FTCDNL1: variants seen among roughly 807,000 people sequenced by gnomAD.
The protein encoded by FTCDNL1 is formiminotransferase N-terminal subdomain-containing protein.
FTCDNL1 carries 11 observed loss-of-function variants against 5.9 expected under a neutral mutation model. The ratio of observed to expected loss-of-function variants is 1.87; its 90% confidence interval spans 1.18 to 3.10. The LOEUF (loss-of-function observed/expected upper bound fraction) is 3.10. Ranked by LOEUF, FTCDNL1 falls within the 30% of genes most tolerant of loss-of-function variation. The pLI is 0.00. For missense variants in FTCDNL1, 115 were observed against 65.5 expected, an observed-to-expected ratio of 1.76 and a Z score of -2.61; for synonymous variants, 58 against 24.8, an observed-to-expected ratio of 2.34 and a Z score of -3.99.
chr2:199,798,097 T>C (rs116089670), intron 3 of FTCDNL1, among the ~76,000 whole-genome samples: 309 of 152,348 alleles, frequency 2.0e-3, no homozygotes, highest in African/African-American at 7.0e-3. Flanking sequence ...AGCCAGACTT[T>C]CTGTTCCCTA....
At chr2:199,745,822 T>A in the FTCDNL1 span, among the ~76,000 whole-genome samples, 1 of 150,984 alleles carries the variant, frequency 6.6e-6, no homozygotes, top group East Asian at 2.0e-4. Flanking sequence ...GGGTAGGAGT[T>A]ACAAGCATGA....
chr2:199,685,465 GCA>G, the FTCDNL1 span, among the ~76,000 whole-genome samples: 1 of 152,178 alleles, frequency 6.6e-6, no homozygotes, highest in African/African-American at 2.4e-5. Context: ...TCATTTAACT[GCA>G]CAGTTTTGTT....
chr2:199,683,679 C>A, the FTCDNL1 span, among the ~76,000 whole-genome samples: 1 of 151,840 alleles, frequency 6.6e-6, no homozygotes, highest in South Asian at 2.1e-4. Context: ...ACAGTATTTT[C>A]TTTTGATCCT....
Position 199,809,277 on chromosome 2 carries a change from G to C in FTCDNL1, c.*3428C>G, listed in dbSNP as rs1455424635. On this transcript the variant is annotated 3_prime_UTR_variant, in exon 5 of 5. Transcript: ENST00000420128. ...TTTTTTAACTTTTTTTTTTCTAATAGAGATAGTCTCACTACATTGACCAAG... is the reference window on the plus strand; with the variant it reads ...TTTTTTAACTTTTTTTTTTCTAATACAGATAGTCTCACTACATTGACCAAG... Among the ~76,000 whole-genome samples the C allele has an allele frequency of 6.9e-6, 1 of 145,360 alleles. No individual in the cohort carries two copies. The highest frequency in any genetic ancestry group is 2.6e-5 in the African/African-American group (1 of 39,020).
chr2:199,688,605 G>A, the FTCDNL1 span, among the ~76,000 whole-genome samples: 3 of 152,186 alleles, frequency 2.0e-5, no homozygotes, highest in South Asian at 4.1e-4. Context: ...AGGCAGTGGA[G>A]ACAGGCCTGG....
At chr2:199,745,468 T>C in the FTCDNL1 span, among the ~76,000 whole-genome samples, 1 of 152,196 alleles carries the variant, frequency 6.6e-6, no homozygotes, top group Non-Finnish European at 1.5e-5. Context: ...GTGAATAACA[T>C]TGTCATTAGT....
At chr2:199,808,721 T>C (rs1001961307), downstream of FTCDNL1, among the ~76,000 whole-genome samples, 1 of 152,250 alleles carries the variant, frequency 6.6e-6, no homozygotes, top group Non-Finnish European at 1.5e-5. Context: ...TTAATACTGA[T>C]GCTCAAAACT....
intron 3 of FTCDNL1, among the ~76,000 whole-genome samples, chr2:199,791,171 G>A (rs111984196): frequency 0.022 from 3,352 of 152,052 alleles, 111 homozygotes; most frequent in African/African-American, 0.076. Context: ...TAAAAATCCT[G>A]CTTTATTTTT....
chr2:199,763,411 C>CA (rs1484957931), intron 3 of FTCDNL1, among the ~76,000 whole-genome samples: 5 of 152,152 alleles, frequency 3.3e-5, no homozygotes, highest in African/African-American at 1.2e-4. Context: ...TGGGAGGGGA[C>CA]AGGGGATTCC....
chr2:199,843,599 T>C (rs1387975269), intron 3 of FTCDNL1, among the ~76,000 whole-genome samples: 3 of 152,210 alleles, frequency 2.0e-5, no homozygotes, highest in Non-Finnish European at 4.4e-5. Context: ...TGGTGCTTAA[T>C]GTAGCTCAGC....
chr2:199,838,713 C>A (rs1163814511), intron 3 of FTCDNL1, among the ~76,000 whole-genome samples: 1 of 152,056 alleles, frequency 6.6e-6, no homozygotes, highest in African/African-American at 2.4e-5. Flanking sequence ...CAGAGCCCAT[C>A]CCTGATCCAC....
At chr2:199,824,137 A>G (rs1247910897) in intron 3 of FTCDNL1, among the ~76,000 whole-genome samples, 1 of 152,112 alleles carries the variant, frequency 6.6e-6, no homozygotes, top group Non-Finnish European at 1.5e-5. Context: ...GCTCTTAGCT[A>G]GAGATGCCAG....
chr2:199,807,918 C>G (rs1450879987), downstream of FTCDNL1, among the ~76,000 whole-genome samples: 1 of 152,088 alleles, frequency 6.6e-6, no homozygotes, highest in Non-Finnish European at 1.5e-5. Context: ...AATCATAATA[C>G]CCAGTGTTGG....
At chr2:199,712,000 A>G in the FTCDNL1 span, among the ~76,000 whole-genome samples, 2 of 152,132 alleles carry the variant, frequency 1.3e-5, no homozygotes, top group African/African-American at 2.4e-5. Context: ...AAGATGCCCA[A>G]TGATGTAGAC....
the FTCDNL1 span, among the ~76,000 whole-genome samples, chr2:199,728,341 G>A: frequency 6.9e-4 from 105 of 152,016 alleles, no homozygotes; most frequent in African/African-American, 2.2e-3. Context: ...TCTGCTCCTG[G>A]GTTCATGCCA....
At chr2:199,838,965 C>A (rs1243027295) in intron 3 of FTCDNL1, among the ~76,000 whole-genome samples, 2 of 152,136 alleles carry the variant, frequency 1.3e-5, no homozygotes, top group Non-Finnish European at 2.9e-5. Context: ...GAAGATCCTC[C>A]TCTGGGGAAC....
the FTCDNL1 span, among the ~76,000 whole-genome samples, chr2:199,701,909 C>T: frequency 6.6e-6 from 1 of 152,110 alleles, no homozygotes; most frequent in Non-Finnish European, 1.5e-5. Context: ...ATGGTGCACA[C>T]TGGTAATCCC....
At chr2:199,751,107 G>A in the FTCDNL1 span, among the ~76,000 whole-genome samples, 1 of 152,124 alleles carries the variant, frequency 6.6e-6, no homozygotes, top group Non-Finnish European at 1.5e-5. Flanking sequence ...AGTGGAAAGT[G>A]GACGTAACAC....
At chr2:199,707,624 C>A in the FTCDNL1 span, among the ~76,000 whole-genome samples, 4 of 151,632 alleles carry the variant, frequency 2.6e-5, no homozygotes, top group Admixed American at 2.6e-4. Context: ...TTTAACGTAT[C>A]TCGTAGAGCA....
Sources: allele counts gnomAD v4.1 joint callset (sites outside exome capture counted in the v4.1 genomes callset), GRCh38; gene constraint gnomAD v4.1.1; transcripts MANE v1.5; gene names NCBI Gene and HGNC (gene_info 2026-07-23, HGNC 2026-07-21).